The following KCNIP4 variants were observed in gnomAD, a reference collection of about 807,000 sequenced individuals.
The protein encoded by KCNIP4 is potassium voltage-gated channel interacting protein 4.
Under a neutral mutation model 34.0 loss-of-function variants are expected in KCNIP4, and 12 were observed. The observed-to-expected ratio is 0.35, with a 90% CI of 0.23 to 0.57. KCNIP4 has a LOEUF of 0.57. KCNIP4 is among the 20% of genes least tolerant of loss of function. The pLI is 0.83. For missense variants in KCNIP4, 238 were observed against 311.7 expected, an observed-to-expected ratio of 0.76 and a Z score of 1.78; for synonymous variants, 124 against 102.2, an observed-to-expected ratio of 1.21 and a Z score of -1.29.
intron 1 of KCNIP4, among the ~76,000 whole-genome samples, chr4:21,192,956 T>C (rs1165175290): frequency 7.2e-6 from 1 of 139,782 alleles, no homozygotes; most frequent in Non-Finnish European, 1.5e-5. Flanking sequence ...CTACTACTAA[T>C]AATAATAATA....
chr4:21,383,160 G>T (rs1045032929), intron 1 of KCNIP4, among the ~76,000 whole-genome samples: 1 of 152,104 alleles, frequency 6.6e-6, no homozygotes, highest in Non-Finnish European at 1.5e-5. Flanking sequence ...AAGGAGTGAG[G>T]TACCCAAAGA....
At chr4:20,756,588 T>TG (rs1754480426) in intron 4 of KCNIP4, among the ~76,000 whole-genome samples, 1 of 151,982 alleles carries the variant, frequency 6.6e-6, no homozygotes, top group Non-Finnish European at 1.5e-5. Flanking sequence ...CTCTATTGGT[T>TG]GTCGCTGTTT....
chr4:21,502,769 A>G (rs1190937626), intron 1 of KCNIP4, among the ~76,000 whole-genome samples: 1 of 152,224 alleles, frequency 6.6e-6, no homozygotes, highest in East Asian at 1.9e-4. Flanking sequence ...ACCAAAAGTT[A>G]CAGGTCCTAT....
chr4:20,936,414 G>GTT (rs10676973), intron 1 of KCNIP4, among the ~76,000 whole-genome samples: 107,899 of 150,278 alleles, frequency 0.72, 38,715 homozygotes, highest in East Asian at 0.83. Flanking sequence ...TAAAAGATAT[G>GTT]TTTTTTTTTT....
intron 1 of KCNIP4, among the ~76,000 whole-genome samples, chr4:21,803,534 C>T (rs1324746746): frequency 6.6e-6 from 1 of 152,042 alleles, no homozygotes; most frequent in Non-Finnish European, 1.5e-5. Context: ...CAATTTTCAA[C>T]ATTCAGCCTC....
intron 1 of KCNIP4, among the ~76,000 whole-genome samples, chr4:21,050,433 A>G (rs1742822453): frequency 6.6e-6 from 1 of 152,236 alleles, no homozygotes; most frequent in Admixed American, 6.5e-5. Flanking sequence ...CTCGGTATCA[A>G]TAAAAATTAG....
intron 1 of KCNIP4, among the ~76,000 whole-genome samples, chr4:21,270,709 A>G (rs2109132996): frequency 6.6e-6 from 1 of 152,176 alleles, no homozygotes; most frequent in South Asian, 2.1e-4. Context: ...GATTGTACCC[A>G]GGTGCGGTGG....
chr4:21,388,226 C>T (rs1303696814), intron 1 of KCNIP4, among the ~76,000 whole-genome samples: 1 of 150,140 alleles, frequency 6.7e-6, no homozygotes, highest in Admixed American at 6.7e-5. Flanking sequence ...AGTCTAAAAG[C>T]AAATGTTATA....
chr4:21,483,570 A>G (rs1266149400), intron 1 of KCNIP4, among the ~76,000 whole-genome samples: 1 of 151,830 alleles, frequency 6.6e-6, no homozygotes, highest in East Asian at 2.0e-4. Context: ...CAAGCAGATC[A>G]TGAGGTCAGA....
At chr4:21,795,364 C>T (rs554870859) in intron 1 of KCNIP4, among the ~76,000 whole-genome samples, 7 of 152,282 alleles carry the variant, frequency 4.6e-5, no homozygotes, top group South Asian at 2.1e-4. Context: ...ACGTCTGTTG[C>T]GTAAGCCACC....
At chr4:21,643,513 A>G (rs1330981712) in intron 1 of KCNIP4, among the ~76,000 whole-genome samples, 1 of 152,212 alleles carries the variant, frequency 6.6e-6, no homozygotes, top group Non-Finnish European at 1.5e-5. Context: ...ATATGTTAAC[A>G]CGGTTAAATG....
intron 1 of KCNIP4, among the ~76,000 whole-genome samples, chr4:21,323,017 G>T (rs1714659877): frequency 6.6e-6 from 1 of 151,844 alleles, no homozygotes; most frequent in South Asian, 2.1e-4. Flanking sequence ...TGGTATAACT[G>T]AAATCTAAAA....
At chr4:20,879,300 C>A (rs1185750802) in intron 2 of KCNIP4, among the ~76,000 whole-genome samples, 1 of 152,136 alleles carries the variant, frequency 6.6e-6, no homozygotes, top group Non-Finnish European at 1.5e-5. Context: ...TAGATGATAT[C>A]TATTACTCTT....
chr4:21,753,655 T>G (rs1273427593), intron 1 of KCNIP4, among the ~76,000 whole-genome samples: 1 of 152,182 alleles, frequency 6.6e-6, no homozygotes, highest in Admixed American at 6.5e-5. Context: ...TTTCCCTCCA[T>G]GTACCCTCAC....
intron 1 of KCNIP4, among the ~76,000 whole-genome samples, chr4:20,950,357 GA>G (rs1488437534): frequency 1.3e-5 from 2 of 152,202 alleles, no homozygotes; most frequent in East Asian, 3.9e-4. Flanking sequence ...ATGTTGAGTA[GA>G]AAGTGAAAAA....
intron 1 of KCNIP4, among the ~76,000 whole-genome samples, chr4:20,953,661 G>A (rs570668631): frequency 6.6e-6 from 1 of 152,274 alleles, no homozygotes; most frequent in South Asian, 2.1e-4. Flanking sequence ...GTGACAGAGA[G>A]AGACTCCGTC....
intron 5 of KCNIP4, among the ~76,000 whole-genome samples, chr4:20,744,111 C>T (rs1254058794): frequency 1.3e-5 from 2 of 152,128 alleles, no homozygotes; most frequent in Admixed American, 6.6e-5. Context: ...AGTCAGGAAA[C>T]AACAGATGCT....
chr4:20,884,831 G>A (rs557320449), intron 1 of KCNIP4, among the ~76,000 whole-genome samples: 1 of 151,736 alleles, frequency 6.6e-6, no homozygotes, highest in South Asian at 2.1e-4. Context: ...CTCATGAGTA[G>A]CTGGGATTAC....
At chr4:21,815,542 A>G (rs79875877) in intron 1 of KCNIP4, among the ~76,000 whole-genome samples, 2 of 152,154 alleles carry the variant, frequency 1.3e-5, no homozygotes, top group Non-Finnish European at 2.9e-5. Flanking sequence ...GGAAAAAAAA[A>G]GCAAAAAGAC....
Sources: allele counts gnomAD v4.1 joint callset (sites outside exome capture counted in the v4.1 genomes callset), GRCh38; gene constraint gnomAD v4.1.1; transcripts MANE v1.5; gene names NCBI Gene and HGNC (gene_info 2026-07-23, HGNC 2026-07-21).